LIMD1: variants seen among roughly 807,000 people sequenced by gnomAD.
LIMD1 encodes LIM domain containing 1.
Under a neutral mutation model 58.4 loss-of-function variants are expected in LIMD1, and 23 were observed. That is an observed-to-expected ratio of 0.39 (90% confidence interval 0.28 to 0.56). The LOEUF (loss-of-function observed/expected upper bound fraction) is 0.56. LIMD1 is among the 20% of genes least tolerant of loss of function. LIMD1 has a pLI of 0.57. For synonymous variants in LIMD1, 334 were observed against 345.5 expected (o/e 0.97, Z 0.37); for missense variants, 838 against 855.5 (o/e 0.98, Z 0.25).
intron 1 of LIMD1, among the ~76,000 whole-genome samples, chr3:45,633,058 T>C (rs1701751488): frequency 1.3e-5 from 2 of 152,202 alleles, no homozygotes; most frequent in East Asian, 3.8e-4. Flanking sequence ...AAGTTGTATA[T>C]AAAAATCATT....
At chr3:45,601,446 C>T (rs935385790) in intron 1 of LIMD1, among the ~76,000 whole-genome samples, 10 of 152,194 alleles carry the variant, frequency 6.6e-5, no homozygotes, top group Non-Finnish European at 1.0e-4. Flanking sequence ...ACCTGCCTGC[C>T]GCACCCCAGC....
Position 45,677,265 on chromosome 3 carries a change from T to G in LIMD1, c.*206T>G. 1.9e-6 allele frequency: 1 copy of G among 533,222 alleles called. No homozygotes were observed. Among genetic ancestry groups the G allele is most frequent in the Non-Finnish European group, 3.4e-6 (1 of 297,744 alleles). 33.0% of individuals were successfully genotyped at this position (533,222 alleles called of 1,614,324 possible). On this transcript the variant is annotated 3_prime_UTR_variant, in exon 8 of 8. Coordinates refer to ENST00000273317, the MANE Select transcript of LIMD1 (RefSeq NM_014240.3). The stretch of plus-strand genomic sequence containing the variant: ...CGTGTATTTTCCAAGTGCTTTTCTC[T>G]GTTGCCACATTTTCCTCAGGTTACT...
rs1447297547 is a variant in LIMD1, at chr3:45,680,755, A to G, written c.*3696A>G. The G allele has an allele frequency of 6.6e-6, 1 of 152,296 alleles. No individual in the cohort carries two copies. Among genetic ancestry groups the G allele is most frequent in the Non-Finnish European group, 1.5e-5 (1 of 68,110 alleles). 9.4% of individuals were successfully genotyped at this position (152,296 alleles called of 1,614,324 possible). A position where few individuals can be genotyped will look rare whatever the true frequency, so the allele number is the denominator to read the frequency against. ...CCCAGGCGCCGTGGCTCACGCCTGT[A>G]ATCCCAGCACTTTGAGAGGCTGAGG... On this transcript the variant is annotated 3_prime_UTR_variant, in exon 8 of 8. Coordinates refer to ENST00000273317, the MANE Select transcript of LIMD1 (RefSeq NM_014240.3).
At chr3:45,653,531 G>A (rs1239615596) in intron 2 of LIMD1, among the ~76,000 whole-genome samples, 2 of 152,128 alleles carry the variant, frequency 1.3e-5, no homozygotes, top group African/African-American at 4.8e-5. Flanking sequence ...CTGAGGCTTG[G>A]CAAGCCTGCA....
chr3:45,642,984 C>T (rs1289961189), intron 2 of LIMD1, among the ~76,000 whole-genome samples: 1 of 152,222 alleles, frequency 6.6e-6, no homozygotes. Flanking sequence ...GCACTGGACA[C>T]TCTCAGGAAG....
chr3:45,615,563 T>G (rs182032452), intron 1 of LIMD1, among the ~76,000 whole-genome samples: 1 of 151,980 alleles, frequency 6.6e-6, no homozygotes, highest in East Asian at 1.9e-4. Context: ...TGAGGCTGCC[T>G]GGGCCACATG....
At chr3:45,639,432 T>G (rs1403735827) in intron 2 of LIMD1, among the ~76,000 whole-genome samples, 1 of 152,204 alleles carries the variant, frequency 6.6e-6, no homozygotes, top group Non-Finnish European at 1.5e-5. Context: ...GGTTGGCTTA[T>G]AAACAATAGA....
rs1406412086 is a variant in LIMD1, at chr3:45,677,897, G to A, written c.*838G>A. 2 of 152,074 alleles carry A rather than the reference G, an allele frequency of 1.3e-5. No homozygotes were observed. The highest frequency in any genetic ancestry group is 4.8e-5 in the African/African-American group (2 of 41,408). 9.4% of individuals were successfully genotyped at this position (152,074 alleles called of 1,614,324 possible). On this transcript the variant is annotated 3_prime_UTR_variant, in exon 8 of 8. Coordinates refer to ENST00000273317, the MANE Select transcript of LIMD1 (RefSeq NM_014240.3). ...TCAAGAGTTGGTGACTTGGAAGGCC[G>A]CTTCTGCAAGGCAAGTCTCAGGAAC...
chr3:45,658,857 A>G (rs1697388269), intron 2 of LIMD1, among the ~76,000 whole-genome samples: 1 of 152,112 alleles, frequency 6.6e-6, no homozygotes, highest in South Asian at 2.1e-4. Context: ...GCCTGGCCTC[A>G]CCATGCAGAT....
At chr3:45,660,054 C>T (rs1017016270) in intron 2 of LIMD1, among the ~76,000 whole-genome samples, 2 of 152,204 alleles carry the variant, frequency 1.3e-5, no homozygotes, top group South Asian at 2.1e-4. Context: ...AGGTGATCTT[C>T]GCCCTATTAC....
intron 1 of LIMD1, among the ~76,000 whole-genome samples, chr3:45,600,046 T>C (rs528998812): frequency 6.6e-6 from 1 of 152,276 alleles, no homozygotes; most frequent in African/African-American, 2.4e-5. Flanking sequence ...GCTGAGGGGC[T>C]CCCTCCCACA....
intron 1 of LIMD1, among the ~76,000 whole-genome samples, chr3:45,597,879 C>T (rs563514525): frequency 6.6e-6 from 1 of 152,372 alleles, no homozygotes; most frequent in Admixed American, 6.5e-5. Context: ...TTTTGCTTCT[C>T]ATGAGAACCT....
At chr3:45,668,260 C>G (rs757612345) in intron 3 of LIMD1, 34 bp from the exon 4 acceptor site, 1 of 1,573,346 alleles carries the variant, frequency 6.4e-7, no homozygotes, top group South Asian at 1.1e-5. Flanking sequence ...TCTTACCAGT[C>G]TGGGTTTAAC....
intron 2 of LIMD1, among the ~76,000 whole-genome samples, chr3:45,640,477 G>C (rs1701830789): frequency 6.6e-6 from 1 of 152,114 alleles, no homozygotes; most frequent in Admixed American, 6.6e-5. Flanking sequence ...GCCCAGGCTG[G>C]AGTGCAGTGG....
In LIMD1 at chr3:45,680,856, C is replaced by CA. The variant is rs747993589; in HGVS notation, c.*3801dup. The CA allele has an allele frequency of 3.4e-5, 5 of 146,168 alleles. No homozygotes were observed. Among genetic ancestry groups the CA allele is most frequent in the African/African-American group, 7.5e-5 (3 of 40,188 alleles). The allele number at this position is 146,168 out of a possible 1,614,324, so 9.1% of individuals were successfully genotyped here. On this transcript the variant is annotated 3_prime_UTR_variant, in exon 8 of 8. Transcript: ENST00000273317. Reference sequence around the variant, plus strand: ...TGAAACACTGTCTCTACTAAAAATACAAAATTAGCTGGGTTTGGTGGCGCA... The same window carrying CA: ...TGAAACACTGTCTCTACTAAAAATACAAAAATTAGCTGGGTTTGGTGGCGCA...
intron 1 of LIMD1, among the ~76,000 whole-genome samples, chr3:45,612,063 G>GGT (rs1369528181): frequency 4.3e-5 from 5 of 116,266 alleles, no homozygotes; most frequent in Admixed American, 9.7e-5. Flanking sequence ...ATGGTTTGCA[G>GGT]GTGCGCGCTC....
chr3:45,602,871 A>G (rs1575341879), intron 1 of LIMD1, among the ~76,000 whole-genome samples: 2 of 146,676 alleles, frequency 1.4e-5, no homozygotes, highest in South Asian at 2.2e-4. Context: ...ACGGAGGCTC[A>G]CTCCGTCACC....
At chr3:45,614,744 A>G (rs1312457732) in intron 1 of LIMD1, among the ~76,000 whole-genome samples, 2 of 140,382 alleles carry the variant, frequency 1.4e-5, no homozygotes, top group Non-Finnish European at 3.0e-5. Context: ...TAATAATAAT[A>G]AAATAAAAAA....
chr3:45,643,992 C>G (rs2125661050), intron 2 of LIMD1, among the ~76,000 whole-genome samples: 1 of 152,284 alleles, frequency 6.6e-6, no homozygotes, highest in Non-Finnish European at 1.5e-5. Flanking sequence ...ATTTCACCTT[C>G]CAAAAACCGA....
Sources: gnomAD v4.1 joint callset for allele counts (sites outside exome capture counted in the v4.1 genomes callset) on GRCh38, gnomAD v4.1.1 for gene constraint, MANE v1.5 for transcripts, NCBI Gene and HGNC (gene_info 2026-07-23, HGNC 2026-07-21) for gene names.